FRMD5: variants seen among roughly 807,000 people sequenced by gnomAD.
FRMD5 encodes FERM domain-containing protein 5.
A neutral mutation model predicts 69.0 loss-of-function variants in FRMD5; 20 were observed. The observed-to-expected ratio is 0.29, with a 90% CI of 0.20 to 0.42. FRMD5 has a LOEUF of 0.42. FRMD5 is among the 10% of genes least tolerant of loss of function. The pLI, the probability that FRMD5 is intolerant of heterozygous loss-of-function variation, is 1.00. For missense variants in FRMD5, 595 were observed against 708.6 expected (o/e 0.84, Z 1.82); for synonymous variants, 271 against 260.1 (o/e 1.04, Z -0.40).
chr15:44,195,176 G>A lies in FRMD5; in HGVS notation c.-122C>T, dbSNP rs1342840067. 1 of 695,948 alleles carries A rather than the reference G, an allele frequency of 1.4e-6. No homozygotes were observed. The highest frequency in any genetic ancestry group is 3.3e-5 in the East Asian group (1 of 30,518). 43.1% of individuals were successfully genotyped at this position (695,948 alleles called of 1,614,324 possible). On this transcript the variant is annotated 5_prime_UTR_variant, in exon 1 of 14. Transcript: ENST00000417257. ...GCACCATCACCCCGGCCCCGTCGCT[G>A]CCGTTGCCTCCTGCTGGCCTCGTTC...
At chr15:44,065,284 G>T (rs1893262470) in intron 1 of FRMD5, among the ~76,000 whole-genome samples, 1 of 152,112 alleles carries the variant, frequency 6.6e-6, no homozygotes, top group Non-Finnish European at 1.5e-5. Context: ...AAGAGGTCCT[G>T]GTAGGACTAG....
At chr15:43,876,292 C>A in intron 13 of FRMD5, 1 of 1,261,566 alleles carries the variant, frequency 7.9e-7, no homozygotes, top group Non-Finnish European at 1.1e-6. Context: ...GGTTTTTACC[C>A]CAGTTTGAAA....
At chr15:43,982,829 G>A (rs1016827156) in intron 1 of FRMD5, among the ~76,000 whole-genome samples, 2 of 152,122 alleles carry the variant, frequency 1.3e-5, no homozygotes, top group Non-Finnish European at 2.9e-5. Context: ...TTAAATCAGG[G>A]TATGAGACTT....
chr15:43,884,753 G>T lies in FRMD5; in HGVS notation c.1002C>A (p.Ile334=), dbSNP rs1477961106. The change falls in exon 12 of 14, where the codon ATC becomes ATA. Residue 334 remains isoleucine (I), a synonymous_variant. Coordinates refer to ENST00000417257, the MANE Select transcript of FRMD5 (RefSeq NM_032892.5). ...AKEVMESSAK[I]KREPPEIHRA... ...TGTGTATTTCCGGTGGCTCCCGTTT[G>T]ATCTTAGCACTTGATTCCATGACTT... 13 of 1,614,104 alleles carry T rather than the reference G, an allele frequency of 8.1e-6. No individual in the cohort carries two copies. In the Admixed American group the frequency reaches 1.8e-4, roughly 23 times the overall value.
At chr15:44,060,354 A>G (rs527645639) in intron 1 of FRMD5, among the ~76,000 whole-genome samples, 78 of 152,322 alleles carry the variant, frequency 5.1e-4, no homozygotes, top group African/African-American at 1.7e-3. Context: ...AGGCAGTTCA[A>G]GGGCCCAGGG....
In FRMD5 at chr15:43,991,040, G is replaced by C. The variant is rs931477612; in HGVS notation, c.103-66731C>G. 2.6e-5 allele frequency among the ~76,000 whole-genome samples: 4 copies of C among 152,184 alleles called. No individual in the cohort carries two copies. The South Asian group carries it at 8.3e-4, about 32-fold the overall frequency. ...GAGCTCTGTAATTTTCTTTCTGCAAGTCCTAAAATGAAAAATTAGTTCTTA... is the reference window on the plus strand; with the variant it reads ...GAGCTCTGTAATTTTCTTTCTGCAACTCCTAAAATGAAAAATTAGTTCTTA... On this transcript the variant is annotated intron_variant, in intron 1 of 13. Transcript: ENST00000417257.
At chr15:44,054,785 G>A (rs1892803228) in intron 1 of FRMD5, among the ~76,000 whole-genome samples, 1 of 151,958 alleles carries the variant, frequency 6.6e-6, no homozygotes, top group African/African-American at 2.4e-5. Context: ...CAAAAGAGTG[G>A]AGCTGGCTGG....
chr15:43,996,819 T>C (rs756543954), intron 1 of FRMD5, among the ~76,000 whole-genome samples: 2 of 150,068 alleles, frequency 1.3e-5, no homozygotes, highest in Non-Finnish European at 1.5e-5. Context: ...TTAGGCTCTA[T>C]CCTGGATCTA....
intron 1 of FRMD5, among the ~76,000 whole-genome samples, chr15:44,024,394 T>G (rs933329814): frequency 3.9e-5 from 6 of 152,268 alleles, no homozygotes; most frequent in Admixed American, 3.3e-4. Context: ...TTCTCCAGAG[T>G]GGCATATCAT....
chr15:43,879,556 C>G, intron 13 of FRMD5: 2 of 399,034 alleles, frequency 5.0e-6, no homozygotes, highest in Non-Finnish European at 8.8e-6. Flanking sequence ...AGGACCCTAC[C>G]CTGGAGCCGG....
chr15:44,040,228 G>A lies in FRMD5; in HGVS notation c.103-115919C>T, dbSNP rs1054028954. On this transcript the variant is annotated intron_variant, in intron 1 of 13. Transcript: ENST00000417257. The stretch of plus-strand genomic sequence containing the variant: ...AAAGTAGCAGGGAGAATGGAACCAA[G>A]TTGGAAAACACTTCAGGATATTATT... Among the ~76,000 whole-genome samples, 6 of 152,240 alleles carry A rather than the reference G, an allele frequency of 3.9e-5. No homozygotes were observed. The East Asian group carries it at 1.2e-3, about 29-fold the overall frequency.
chr15:44,194,400 G>C (rs1483469677), intron 1 of FRMD5: 1 of 165,134 alleles, frequency 6.1e-6, no homozygotes, highest in Admixed American at 6.3e-5. Context: ...CCAGAGGACT[G>C]GGCTTCCTTC....
intron 1 of FRMD5, among the ~76,000 whole-genome samples, chr15:44,000,971 G>A (rs1026465308): frequency 6.6e-6 from 1 of 152,084 alleles, no homozygotes; most frequent in African/African-American, 2.4e-5. Flanking sequence ...GAGCCACCAT[G>A]CCCAGCCTCA....
chr15:44,004,634 C>T (rs1890356400), intron 1 of FRMD5, among the ~76,000 whole-genome samples: 1 of 152,196 alleles, frequency 6.6e-6, no homozygotes, highest in Non-Finnish European at 1.5e-5. Flanking sequence ...CTCACAGCTC[C>T]ATCAACCAGC....
intron 1 of FRMD5, among the ~76,000 whole-genome samples, chr15:44,056,863 C>T (rs1892889373): frequency 6.6e-6 from 1 of 152,102 alleles, no homozygotes; most frequent in Non-Finnish European, 1.5e-5. Context: ...CTGAGGACAA[C>T]CAGGGACATT....
chr15:44,156,424 G>C (rs529562693), intron 1 of FRMD5, among the ~76,000 whole-genome samples: 24 of 152,312 alleles, frequency 1.6e-4, no homozygotes, highest in African/African-American at 5.8e-4. Flanking sequence ...GATTACAGGC[G>C]TGGGCCACCT....
At position 44,116,243 on chromosome 15, in the gene FRMD5, G is replaced by A. The variant is rs28615094; in HGVS notation, c.102+78710C>T. Among the ~76,000 whole-genome samples, 9 of 149,884 alleles carry A rather than the reference G, an allele frequency of 6.0e-5. No individual in the cohort carries two copies. In the East Asian group the frequency reaches 1.8e-3, roughly 29 times the overall value. On this transcript the variant is annotated intron_variant, in intron 1 of 13. Transcript: ENST00000417257. ...TATATATATAGAGAGAGAGAGAGAG[G>A]GAGAGTTTTGTTTTGTTTTGTTTTT...
At chr15:44,185,093 A>C (rs1379649116) in intron 1 of FRMD5, among the ~76,000 whole-genome samples, 2 of 152,244 alleles carry the variant, frequency 1.3e-5, no homozygotes, top group African/African-American at 4.8e-5. Context: ...AAAAGTAAGC[A>C]AAGAAAGTAT....
intron 6 of FRMD5, among the ~76,000 whole-genome samples, chr15:43,904,354 G>A (rs2089120347): frequency 6.6e-6 from 1 of 152,036 alleles, no homozygotes; most frequent in Admixed American, 6.6e-5. Context: ...GTATTATAAT[G>A]ACAACATAAC....
Sources: allele counts gnomAD v4.1 joint callset (sites outside exome capture counted in the v4.1 genomes callset), GRCh38; gene constraint gnomAD v4.1.1; transcripts MANE v1.5; gene names NCBI Gene and HGNC (gene_info 2026-07-23, HGNC 2026-07-21).